Variants in CSMD1 observed in about 807,000 individuals in gnomAD.
The protein encoded by CSMD1 is CUB and sushi domain-containing protein 1.
Under a neutral mutation model 417.5 loss-of-function variants are expected in CSMD1, and 213 were observed. The ratio of observed to expected loss-of-function variants is 0.51; its 90% CI spans 0.46 to 0.57. CSMD1 has a LOEUF of 0.57. CSMD1 is among the 20% of genes least tolerant of loss of function. The pLI is 0.00. For missense variants in CSMD1, 6,923 were observed against 4,529.7 expected (o/e 1.53, Z -15.17); for synonymous variants, 2,862 against 1,736.8 (o/e 1.65, Z -16.11).
At chr8:3,698,813 G>A (rs185195184) in intron 7 of CSMD1, among the ~76,000 whole-genome samples, 80 of 152,270 alleles carry the variant, frequency 5.3e-4, no homozygotes, top group Admixed American at 1.1e-3. Context: ...GAAAATTATG[G>A]CCTGATGAAA....
intron 3 of CSMD1, among the ~76,000 whole-genome samples, chr8:4,235,277 C>G (rs1234161324): frequency 6.6e-6 from 1 of 152,036 alleles, no homozygotes; most frequent in Non-Finnish European, 1.5e-5. Flanking sequence ...CATCATAAAA[C>G]TCACATACAA....
At chr8:3,604,844 A>C (rs755392098) in intron 8 of CSMD1, among the ~76,000 whole-genome samples, 45 of 152,228 alleles carry the variant, frequency 3.0e-4, no homozygotes, top group Non-Finnish European at 5.1e-4. Context: ...CAACAGTGAG[A>C]GTTATCTAGG....
intron 16 of CSMD1, among the ~76,000 whole-genome samples, 173 bp downstream of exon 16, chr8:3,399,218 G>A (rs1271538234): frequency 1.3e-5 from 2 of 152,172 alleles, no homozygotes; most frequent in East Asian, 3.9e-4. Context: ...GGGCTTAGAG[G>A]ATACCACTGA....
At chr8:4,531,336 G>C (rs980037712) in intron 2 of CSMD1, among the ~76,000 whole-genome samples, 2 of 152,104 alleles carry the variant, frequency 1.3e-5, no homozygotes, top group Non-Finnish European at 2.9e-5. Context: ...TTAATCATAA[G>C]CTTCAAGAAC....
In CSMD1 at chr8:3,241,167, T is replaced by C. The variant is rs531061440; in HGVS notation, c.4154-10936A>G. Among the ~76,000 whole-genome samples, 13 of 151,742 alleles carry C rather than the reference T, an allele frequency of 8.6e-5. 1 individual carries two copies. The South Asian group carries it at 2.7e-3, about 32-fold the overall frequency. ...CAGGAATAGTTAGGGAAGCAGATAA[T>C]TTAGTTAAAGTGTCTCGGCCTAATA... On this transcript the variant is annotated intron_variant, in intron 26 of 69. Coordinates refer to ENST00000635120, the MANE Select transcript of CSMD1 (RefSeq NM_033225.6).
Position 4,906,966 on chromosome 8 carries a change from C to T in CSMD1, c.85+87366G>A, listed in dbSNP as rs141552440. ...TAGTCTTTCCTAAATGACTTGCCTACTAAATATAGCACAATTGTACTTATT... is the reference window on the plus strand; with the variant it reads ...TAGTCTTTCCTAAATGACTTGCCTATTAAATATAGCACAATTGTACTTATT... On this transcript the variant is annotated intron_variant, in intron 1 of 69. Transcript: ENST00000635120. 3.5e-3 allele frequency among the ~76,000 whole-genome samples: 537 copies of T among 152,304 alleles called. 4 individuals are homozygous for T. The highest frequency in any genetic ancestry group is 0.012 in the African/African-American group (512 of 41,568).
intron 3 of CSMD1, among the ~76,000 whole-genome samples, chr8:4,401,283 A>G (rs1340049800): frequency 1.3e-5 from 2 of 152,184 alleles, no homozygotes; most frequent in African/African-American, 4.8e-5. Context: ...CCTGTAATCA[A>G]GTCAAAGTGC....
At chr8:3,187,790 T>A in intron 36 of CSMD1, 79 bp downstream of exon 36, 3 of 991,428 alleles carry the variant, frequency 3.0e-6, no homozygotes, top group Non-Finnish European at 4.7e-6. Flanking sequence ...CTATGTGGAG[T>A]GTTTGCTGTT....
chr8:3,131,640 T>G (rs912851146), intron 41 of CSMD1, among the ~76,000 whole-genome samples: 3 of 152,010 alleles, frequency 2.0e-5, no homozygotes, highest in Non-Finnish European at 4.4e-5. Flanking sequence ...CCCAGCTACT[T>G]TTTGTATTTT....
intron 5 of CSMD1, among the ~76,000 whole-genome samples, chr8:3,906,800 A>C (rs1225987483): frequency 6.6e-6 from 1 of 152,216 alleles, no homozygotes; most frequent in South Asian, 2.1e-4. Context: ...TATACAGACA[A>C]AATATATATG....
chr8:2,966,084 A>G (rs999985019), intron 58 of CSMD1, 130 bp from the exon 59 acceptor site: 21 of 734,426 alleles, frequency 2.9e-5, no homozygotes, highest in Non-Finnish European at 2.0e-5. Flanking sequence ...TAATACAGCA[A>G]TACTACCCTC....
At chr8:4,707,412 AAG>A (rs1189521335) in intron 1 of CSMD1, among the ~76,000 whole-genome samples, 2 of 152,176 alleles carry the variant, frequency 1.3e-5, no homozygotes, top group African/African-American at 4.8e-5. Context: ...AAACAAAGAC[AAG>A]ATGATCACAT....
At chr8:4,026,184 T>C (rs977285470) in intron 4 of CSMD1, among the ~76,000 whole-genome samples, 1 of 152,208 alleles carries the variant, frequency 6.6e-6, no homozygotes, top group African/African-American at 2.4e-5. Flanking sequence ...AATTAGATCA[T>C]TTTTTCTTTA....
intron 7 of CSMD1, among the ~76,000 whole-genome samples, chr8:3,656,657 G>A (rs928416011): frequency 6.6e-6 from 1 of 152,178 alleles, no homozygotes; most frequent in East Asian, 1.9e-4. Context: ...GCCAGGCGTG[G>A]TGGCTCACGC....
chr8:4,743,878 T>C (rs1170018306), intron 1 of CSMD1, among the ~76,000 whole-genome samples: 1 of 152,184 alleles, frequency 6.6e-6, no homozygotes, highest in South Asian at 2.1e-4. Context: ...ACTCAAGTTC[T>C]AGTTGCTCCC....
chr8:3,992,538 C>T (rs192514944), intron 5 of CSMD1, among the ~76,000 whole-genome samples: 116 of 152,246 alleles, frequency 7.6e-4, no homozygotes, highest in African/African-American at 2.7e-3. Flanking sequence ...TAATTCCACA[C>T]TTTGGGAGGC....
At chr8:3,422,171 G>C (rs1322329231) in intron 12 of CSMD1, among the ~76,000 whole-genome samples, 1 of 152,136 alleles carries the variant, frequency 6.6e-6, no homozygotes, top group East Asian at 1.9e-4. Flanking sequence ...TTGAAACTTA[G>C]TTTCACTTAT....
chr8:3,538,002 A>T (rs146064480), intron 10 of CSMD1, among the ~76,000 whole-genome samples: 494 of 152,320 alleles, frequency 3.2e-3, no homozygotes, highest in African/African-American at 0.011. Context: ...TCATTAGAGA[A>T]AGGGCTTTCC....
At chr8:4,934,587 G>T (rs532603668) in intron 1 of CSMD1, among the ~76,000 whole-genome samples, 3 of 152,032 alleles carry the variant, frequency 2.0e-5, no homozygotes, top group Non-Finnish European at 2.9e-5. Context: ...AAGGACACAG[G>T]CCCAATATAA....
Sources: gnomAD v4.1 joint callset for allele counts (sites outside exome capture counted in the v4.1 genomes callset) on GRCh38, gnomAD v4.1.1 for gene constraint, MANE v1.5 for transcripts, NCBI Gene and HGNC (gene_info 2026-07-23, HGNC 2026-07-21) for gene names.